PRPSAP2: variants seen among roughly 807,000 people sequenced by gnomAD.
PRPSAP2 encodes phosphoribosyl pyrophosphate synthetase associated protein 2, also known as phosphoribosyl pyrophosphate synthase-associated protein 2.
Under a neutral mutation model 40.6 loss-of-function variants are expected in PRPSAP2, and 24 were observed. The ratio of observed to expected loss-of-function variants is 0.59; its 90% CI spans 0.43 to 0.83. The LOEUF (loss-of-function observed/expected upper bound fraction) is 0.83, where lower values mean the gene tolerates loss of function less well. PRPSAP2 is among the 40% of genes least tolerant of loss of function. PRPSAP2 has a pLI of 0.00. For missense variants in PRPSAP2, 292 were observed against 465.6 expected (o/e 0.63, Z 3.43); for synonymous variants, 149 against 164.7 (o/e 0.90, Z 0.73).
intron 8 of PRPSAP2, among the ~76,000 whole-genome samples, chr17:18,898,263 C>A (rs1357210296): frequency 6.6e-6 from 1 of 152,096 alleles, no homozygotes. Context: ...TCCCAAAGTG[C>A]TGGGATTACA....
chr17:18,887,852 T>A (rs866320738), intron 7 of PRPSAP2, among the ~76,000 whole-genome samples: 1 of 94,702 alleles, frequency 1.1e-5, no homozygotes, highest in Admixed American at 1.0e-4. Flanking sequence ...TTTTTTTTTT[T>A]AATTTATTTT....
At chr17:18,881,291 AGTG>A (rs2038714492) in intron 6 of PRPSAP2, among the ~76,000 whole-genome samples, 1 of 151,624 alleles carries the variant, frequency 6.6e-6, no homozygotes, top group African/African-American at 2.4e-5. Context: ...GTCGGAGTGA[AGTG>A]GTGCGATCTC....
chr17:18,866,899 G>A (rs2037471005), intron 3 of PRPSAP2, among the ~76,000 whole-genome samples: 1 of 152,168 alleles, frequency 6.6e-6, no homozygotes, highest in African/African-American at 2.4e-5. Context: ...TGTGTGAGTT[G>A]AGAAACCTGA....
intron 9 of PRPSAP2, among the ~76,000 whole-genome samples, chr17:18,913,145 G>T (rs984728340): frequency 1.3e-5 from 2 of 152,186 alleles, no homozygotes; most frequent in Non-Finnish European, 2.9e-5. Flanking sequence ...ACTCCACTGG[G>T]CATTGCCCTA....
chr17:18,882,518 A>C (rs2038832577), intron 6 of PRPSAP2, 50 bp from the exon 7 acceptor site: 3 of 1,295,502 alleles, frequency 2.3e-6, no homozygotes, highest in Non-Finnish European at 3.3e-6. Context: ...CTTAAAAAAA[A>C]AAAACAAAAA....
rs1201159228 is a variant in PRPSAP2, at chr17:18,894,479, C to CTTTTT, written c.584+4616_584+4620dup. 2.5e-4 allele frequency among the ~76,000 whole-genome samples: 30 copies of CTTTTT among 120,598 alleles called. 2 individuals are homozygous for CTTTTT. In the East Asian group the frequency reaches 5.8e-3, roughly 23 times the overall value. 79.1% of individuals were successfully genotyped at this position (120,598 alleles called of 152,430 possible). A position where few individuals can be genotyped will look rare whatever the true frequency, so the allele number is the denominator to read the frequency against. Reference sequence around the variant, plus strand: ...CGGCCCTCTGTAGCTTTTCAATAGTCTTTTTTTTTTTTTTTTTTGAGACAG... The same window carrying CTTTTT: ...CGGCCCTCTGTAGCTTTTCAATAGTCTTTTTTTTTTTTTTTTTTTTTTTGAGACAG... On this transcript the variant is annotated intron_variant, in intron 8 of 11. Transcript: ENST00000268835.
At chr17:18,926,123 C>T (rs767043690) in intron 10 of PRPSAP2, among the ~76,000 whole-genome samples, 5 of 151,842 alleles carry the variant, frequency 3.3e-5, no homozygotes, top group South Asian at 4.2e-4. Context: ...AAATCTCTCA[C>T]GTCACCCTCC....
In PRPSAP2 at chr17:18,930,632, G is replaced by C; in HGVS notation, c.1044G>C (p.Ala348=). 1 of 1,613,764 alleles carries C rather than the reference G, an allele frequency of 6.2e-7. No individual in the cohort carries two copies. Among genetic ancestry groups the C allele is most frequent in the Non-Finnish European group, 8.5e-7 (1 of 1,179,760 alleles). Residue 348 remains alanine, a synonymous_variant, in exon 12 of 12, where the codon GCG becomes GCC. Transcript: ENST00000268835. ...TVDISMILSE[A]IRRIHNGESM... ...ATATCAGCATGATCCTTTCAGAGGC[G>C]ATCCGTCGGATCCACAATGGGGAGT...
intron 8 of PRPSAP2, among the ~76,000 whole-genome samples, chr17:18,907,781 AT>A (rs1475138137): frequency 2.6e-5 from 4 of 152,206 alleles, no homozygotes; most frequent in African/African-American, 4.8e-5. Flanking sequence ...ATACTTTTAG[AT>A]AACCCATAGG....
chr17:18,872,422 G>A (rs577308702), intron 4 of PRPSAP2, among the ~76,000 whole-genome samples, 161 bp from the exon 5 acceptor site: 1 of 152,304 alleles, frequency 6.6e-6, no homozygotes, highest in African/African-American at 2.4e-5. Context: ...ATTAATGGCA[G>A]TATGTGTATT....
chr17:18,897,102 T>C (rs975564654), intron 8 of PRPSAP2, among the ~76,000 whole-genome samples: 1 of 151,940 alleles, frequency 6.6e-6, no homozygotes, highest in Non-Finnish European at 1.5e-5. Flanking sequence ...ACCACAGGCA[T>C]GCAGCACCAT....
intron 9 of PRPSAP2, among the ~76,000 whole-genome samples, chr17:18,916,813 T>A (rs1380867667): frequency 6.6e-6 from 1 of 152,244 alleles, no homozygotes; most frequent in African/African-American, 2.4e-5. Flanking sequence ...ACCTTGTTAC[T>A]GTGTCCTCAG....
chr17:18,866,047 A>G lies in PRPSAP2; in HGVS notation c.119+95A>G, dbSNP rs111752362. 247 of 821,654 alleles carry G rather than the reference A, an allele frequency of 3.0e-4. 2 individuals carry two copies. The African/African-American group carries it at 4.1e-3, about 14-fold the overall frequency. The allele number at this position is 821,654 out of a possible 1,614,324, so 50.9% of individuals were successfully genotyped here. ...CAGTTATTGTTAAATTTGAAAGCAG[A>G]TATTTTATAATTATAAAATAATTAT... On this transcript the variant is annotated intron_variant, in intron 3 of 11. Coordinates refer to ENST00000268835, the MANE Select transcript of PRPSAP2 (RefSeq NM_002767.4).
chr17:18,876,287 A>G (rs1208445302), intron 5 of PRPSAP2, among the ~76,000 whole-genome samples: 1 of 152,190 alleles, frequency 6.6e-6, no homozygotes, highest in African/African-American at 2.4e-5. Context: ...TTCAAACAAG[A>G]CTGTCCTTAT....
At chr17:18,858,667 C>T (rs2036778166) in intron 1 of PRPSAP2, 2 of 152,200 alleles carry the variant, frequency 1.3e-5, no homozygotes, top group Admixed American at 1.3e-4. Context: ...ACGAATATAT[C>T]TCTCACCTCC....
chr17:18,913,541 C>CTTTTTTTTTT (rs35697920), intron 9 of PRPSAP2, among the ~76,000 whole-genome samples: 1 of 73,952 alleles, frequency 1.4e-5, no homozygotes, highest in Non-Finnish European at 2.5e-5. Flanking sequence ...GCGTCTGGTT[C>CTTTTTTTTTT]TTTTTTTTTT....
intron 7 of PRPSAP2, among the ~76,000 whole-genome samples, chr17:18,887,853 AATTT>A: frequency 3.4e-5 from 1 of 29,074 alleles, no homozygotes; most frequent in South Asian, 6.3e-4. Flanking sequence ...TTTTTTTTTT[AATTT>A]ATTTTTTTAT....
rs2037367407 is a variant in PRPSAP2, at chr17:18,865,575, C to T, written c.-33+11C>T. On this transcript the variant is annotated intron_variant, in intron 2 of 11. Coordinates refer to ENST00000268835, the MANE Select transcript of PRPSAP2 (RefSeq NM_002767.4). The stretch of plus-strand genomic sequence containing the variant: ...AGCTCCGCCTTTCTTGTAAGTTTAT[C>T]ATTTCTTCTTAGTGGTTGTGAACAT... The T allele has an allele frequency of 1.1e-5, 2 of 184,186 alleles. No individual in the cohort carries two copies. The highest frequency in any genetic ancestry group is 3.9e-4 in the South Asian group (2 of 5,118). 11.4% of individuals were successfully genotyped at this position (184,186 alleles called of 1,614,324 possible).
intron 6 of PRPSAP2, among the ~76,000 whole-genome samples, chr17:18,881,322 G>GC (rs994825616): frequency 4.0e-5 from 6 of 148,604 alleles, no homozygotes; most frequent in South Asian, 2.1e-4. Context: ...TGCAACCTCC[G>GC]CCCCCCCAGG....
Sources: allele counts gnomAD v4.1 joint callset (sites outside exome capture counted in the v4.1 genomes callset), GRCh38; gene constraint gnomAD v4.1.1; transcripts MANE v1.5; gene names NCBI Gene and HGNC (gene_info 2026-07-23, HGNC 2026-07-21).